ZNF560: variants seen among roughly 807,000 people sequenced by gnomAD.
The protein encoded by ZNF560 is zinc finger protein 560.
In ZNF560, 54 loss-of-function variants were observed where a neutral mutation model predicts 81.8. That is an observed-to-expected ratio of 0.66 (90% confidence interval 0.53 to 0.83). The LOEUF (loss-of-function observed/expected upper bound fraction) is 0.83. Among genes scored for constraint, ZNF560 ranks in the 40% least tolerant of loss-of-function variants. The probability of loss-of-function intolerance (pLI) is 0.00; values close to 1 mark genes in which losing one functional copy is unlikely to be tolerated. For missense variants in ZNF560, 940 were observed against 932.4 expected, an observed-to-expected ratio of 1.01 and a Z score of -0.11; for synonymous variants, 321 against 317.9, an observed-to-expected ratio of 1.01 and a Z score of -0.10.
downstream of ZNF560, among the ~76,000 whole-genome samples, chr19:9,462,584 G>A (rs533748216): frequency 1.7e-3 from 251 of 151,982 alleles, 2 homozygotes; most frequent in Non-Finnish European, 2.3e-3. Context: ...CTCCATGACC[G>A]ACCTGGTCTT....
chr19:9,505,209 T>C, the ZNF560 span, among the ~76,000 whole-genome samples: 1 of 152,378 alleles, frequency 6.6e-6, no homozygotes, highest in Non-Finnish European at 1.5e-5. Flanking sequence ...TAAAGGCATA[T>C]ACCATCATGC....
chr19:9,502,368 C>T (rs534129487), upstream of ZNF560, among the ~76,000 whole-genome samples: 12 of 151,780 alleles, frequency 7.9e-5, no homozygotes, highest in South Asian at 6.3e-4. Flanking sequence ...CATACCACCA[C>T]GCCCAGCTAA....
chr19:9,491,698 C>T (rs545191010), intron 2 of ZNF560, among the ~76,000 whole-genome samples: 6 of 151,224 alleles, frequency 4.0e-5, no homozygotes, highest in Admixed American at 6.6e-5. Flanking sequence ...TGGTGGCACG[C>T]GTCTGTAGTC....
chr19:9,456,318 A>T, the ZNF560 span, among the ~76,000 whole-genome samples: 1 of 152,220 alleles, frequency 6.6e-6, no homozygotes, highest in Non-Finnish European at 1.5e-5. Flanking sequence ...ATTTAAAAGG[A>T]GTGCAGGTTC....
chr19:9,469,765 C>T, intron 7 of ZNF560, 55 bp from the exon 8 acceptor site: 1 of 1,487,972 alleles, frequency 6.7e-7, no homozygotes, highest in South Asian at 1.1e-5. Flanking sequence ...AAATGGCAAA[C>T]TTTTCCATGA....
chr19:9,497,810 T>C (rs1388686098), intron 2 of ZNF560, among the ~76,000 whole-genome samples: 1 of 152,190 alleles, frequency 6.6e-6, no homozygotes, highest in Non-Finnish European at 1.5e-5. Flanking sequence ...GTGTAAACCC[T>C]CCATCCTTTC....
At chr19:9,465,068 A>G (rs1490607539), downstream of ZNF560, among the ~76,000 whole-genome samples, 1 of 151,930 alleles carries the variant, frequency 6.6e-6, no homozygotes, top group African/African-American at 2.4e-5. Flanking sequence ...TACATCAAAC[A>G]TCTTACATAA....
the ZNF560 span, among the ~76,000 whole-genome samples, chr19:9,457,368 G>A: frequency 6.6e-6 from 1 of 152,208 alleles, no homozygotes. Flanking sequence ...ACTGTGAACA[G>A]TTTGCAATTA....
chr19:9,491,393 G>A (rs902156398), intron 2 of ZNF560, among the ~76,000 whole-genome samples: 3 of 152,044 alleles, frequency 2.0e-5, no homozygotes, highest in East Asian at 1.9e-4. Flanking sequence ...AAGTGTTAGA[G>A]TTACAGGCCT....
intron 2 of ZNF560, among the ~76,000 whole-genome samples, chr19:9,476,536 T>C (rs112320426): frequency 0.15 from 23,326 of 151,996 alleles, 2,615 homozygotes; most frequent in African/African-American, 0.31. Flanking sequence ...GTGATCCACC[T>C]GCCTTGGCCT....
rs755409031 is a variant in ZNF560, at chr19:9,467,520, A to G, written c.1427T>C (p.Ile476Thr). 8 of 1,613,984 alleles carry G rather than the reference A, an allele frequency of 5.0e-6. No individual in the cohort carries two copies. Among genetic ancestry groups the G allele is most frequent in the East Asian group, 4.5e-5 (2 of 44,868 alleles). ...TCCTGTGTTACTTCTTCTATCTTCA[A>G]TAACACCTGAGGATGTACCAAAGGC... ...GKAFGTSSGV[I>T]EDRRSNTGQK... The change falls in exon 10 of 10, where the codon ATT becomes ACT. Residue 476 changes from isoleucine to threonine, a missense_variant. Transcript: ENST00000301480.
chr19:9,466,565 G>A lies in ZNF560; in HGVS notation c.*9C>T. ...TTTTCCACATTCTTCACATCCACAG[G>A]GCTTCTCTCTAGTGTGTTTTCAAAT... On this transcript the variant is annotated 3_prime_UTR_variant, in exon 10 of 10. Coordinates refer to ENST00000301480, the MANE Select transcript of ZNF560 (RefSeq NM_152476.3). 1 of 1,566,772 alleles carries A rather than the reference G, an allele frequency of 6.4e-7. No homozygotes were observed. The highest frequency in any genetic ancestry group is 8.6e-7 in the Non-Finnish European group (1 of 1,156,776).
chr19:9,468,151 C>T lies in ZNF560; in HGVS notation c.796G>A (p.Val266Met). ...NKTSTIRKVS[V>M]FSKHGKSFRL... ...AAAGATTTTCCATGCTTACTGAACA[C>T]AGAAACTTTCCTTATGGTAGAGGTT... is the stretch of plus-strand genomic sequence containing the variant. Residue 266 changes from valine (V) to methionine (M), a missense_variant, in exon 10 of 10, where the codon GTG (valine) becomes ATG (methionine). Coordinates refer to ENST00000301480, the MANE Select transcript of ZNF560 (RefSeq NM_152476.3). 6.2e-7 allele frequency: 1 copy of T among 1,614,056 alleles called. No individual in the cohort carries two copies. Among genetic ancestry groups the T allele is most frequent in the Non-Finnish European group, 8.5e-7 (1 of 1,179,982 alleles).
At chr19:9,499,353 A>G (rs1215352866), upstream of ZNF560, among the ~76,000 whole-genome samples, 1 of 151,790 alleles carries the variant, frequency 6.6e-6, no homozygotes, top group Non-Finnish European at 1.5e-5. Context: ...TATTATTATT[A>G]TTATCATCAT....
At chr19:9,461,856 A>G (rs754248178), downstream of ZNF560, among the ~76,000 whole-genome samples, 13 of 152,208 alleles carry the variant, frequency 8.5e-5, no homozygotes, top group Non-Finnish European at 1.3e-4. Flanking sequence ...GAGAACAAAT[A>G]TTTCAAGCAT....
chr19:9,469,277 G>A, intron 8 of ZNF560, 90 bp from the exon 9 acceptor site: 1 of 1,045,712 alleles, frequency 9.6e-7, no homozygotes, highest in Non-Finnish European at 1.4e-6. Context: ...ATTTATATAT[G>A]TCTAAAATTT....
At chr19:9,482,374 G>A (rs2073303673) in intron 2 of ZNF560, among the ~76,000 whole-genome samples, 1 of 148,170 alleles carries the variant, frequency 6.7e-6, no homozygotes, top group African/African-American at 2.5e-5. Context: ...GTATATATAT[G>A]TAACAAACCT....
upstream of ZNF560, among the ~76,000 whole-genome samples, chr19:9,503,613 C>T (rs1434748805): frequency 6.6e-6 from 1 of 152,198 alleles, no homozygotes; most frequent in Non-Finnish European, 1.5e-5. Context: ...CAGCTTACTG[C>T]AGCCTCAACC....
At chr19:9,450,290 CA>C in the ZNF560 span, among the ~76,000 whole-genome samples, 9 of 146,712 alleles carry the variant, frequency 6.1e-5, no homozygotes, top group Non-Finnish European at 6.0e-5. Flanking sequence ...GACTTTGTCT[CA>C]AAAAAAAAAA....
Sources: gnomAD v4.1 joint callset for allele counts (sites outside exome capture counted in the v4.1 genomes callset) on GRCh38, gnomAD v4.1.1 for gene constraint, MANE v1.5 for transcripts, NCBI Gene and HGNC (gene_info 2026-07-23, HGNC 2026-07-21) for gene names.